Variants in MEF2C observed in about 807,000 individuals in gnomAD.
The protein encoded by MEF2C is myocyte enhancer factor 2C.
Under a neutral mutation model 50.5 loss-of-function variants are expected in MEF2C, and 6 were observed. The observed-to-expected ratio is 0.12, with a 90% CI of 0.07 to 0.23. The LOEUF (loss-of-function observed/expected upper bound fraction) is 0.23. Ranked by LOEUF, MEF2C falls within the 10% of genes least tolerant of loss-of-function variation. The pLI, the probability that MEF2C is intolerant of heterozygous loss-of-function variation, is 1.00. For missense variants in MEF2C, 276 were observed against 605.0 expected (o/e 0.46, Z 5.70); for synonymous variants, 183 against 228.0 (o/e 0.80, Z 1.78).
At chr5:88,858,516 G>A (rs920653173) in intron 1 of MEF2C, among the ~76,000 whole-genome samples, 5 of 152,232 alleles carry the variant, frequency 3.3e-5, no homozygotes, top group East Asian at 1.9e-4. Context: ...AGGCAGCCCA[G>A]TAAGAGTTAA....
At position 88,717,866 on chromosome 5, in the gene MEF2C, A is replaced by C. The variant is rs1348256332; in HGVS notation, c.*4738T>G. The C allele has an allele frequency of 1.3e-5, 2 of 152,236 alleles. No homozygotes were observed. Among genetic ancestry groups the C allele is most frequent in the African/African-American group, 4.8e-5 (2 of 41,470 alleles). The allele number at this position is 152,236 out of a possible 1,614,324, so 9.4% of individuals were successfully genotyped here. ...AGAAGAAAAAAGGAACTCTTTTGGA[A>C]ACACTTTCTACAGATTTTAGTTAAA... On this transcript the variant is annotated 3_prime_UTR_variant, in exon 11 of 11. Coordinates refer to ENST00000504921, the MANE Select transcript of MEF2C (RefSeq NM_002397.5).
chr5:88,769,347 G>T (rs1267630922), intron 3 of MEF2C, among the ~76,000 whole-genome samples: 2 of 152,126 alleles, frequency 1.3e-5, no homozygotes, highest in Admixed American at 1.3e-4. Flanking sequence ...TGGAAAATCA[G>T]GGTGATTCTG....
intron 1 of MEF2C, among the ~76,000 whole-genome samples, chr5:88,856,111 A>T (rs1242820610): frequency 6.6e-6 from 1 of 152,150 alleles, no homozygotes; most frequent in Non-Finnish European, 1.5e-5. Context: ...GAGATGAGAA[A>T]CTTGTTGGGA....
chr5:88,851,982 G>A (rs1821530481), intron 1 of MEF2C, among the ~76,000 whole-genome samples: 2 of 151,996 alleles, frequency 1.3e-5, no homozygotes, highest in South Asian at 4.1e-4. Flanking sequence ...CAAACTATTT[G>A]TATTTTTGTT....
intron 2 of MEF2C, among the ~76,000 whole-genome samples, chr5:88,821,515 A>G (rs1397084773): frequency 6.6e-6 from 1 of 151,846 alleles, no homozygotes; most frequent in African/African-American, 2.4e-5. Context: ...TCTGCATCTC[A>G]AAGTGTTGGG....
At chr5:88,743,625 T>C in intron 6 of MEF2C, 1 of 983,878 alleles carries the variant, frequency 1.0e-6, no homozygotes, top group Non-Finnish European at 1.2e-6. Context: ...CCAATCTGAG[T>C]AAGTACTAAG....
At chr5:88,878,176 T>C (rs1337369479) in intron 1 of MEF2C, among the ~76,000 whole-genome samples, 3 of 152,038 alleles carry the variant, frequency 2.0e-5, no homozygotes, top group Non-Finnish European at 4.4e-5. Context: ...ATGACACATA[T>C]ACAGAATGAA....
chr5:88,816,227 G>A (rs559374860), intron 2 of MEF2C, among the ~76,000 whole-genome samples: 139 of 152,154 alleles, frequency 9.1e-4, no homozygotes, highest in Non-Finnish European at 1.5e-3. Context: ...GAATGAGATT[G>A]ACGGGAGTTG....
intron 1 of MEF2C, chr5:88,843,596 A>G: frequency 3.1e-6 from 1 of 322,240 alleles, no homozygotes; most frequent in Non-Finnish European, 4.5e-6. Flanking sequence ...TTAACTATGT[A>G]ATATATATGT....
chr5:88,797,028 A>G (rs1283907094), intron 3 of MEF2C, among the ~76,000 whole-genome samples: 1 of 152,132 alleles, frequency 6.6e-6, no homozygotes, highest in Non-Finnish European at 1.5e-5. Flanking sequence ...TTTGCTGAAG[A>G]GTGTTTTACT....
intron 1 of MEF2C, among the ~76,000 whole-genome samples, chr5:88,862,573 T>C (rs575346286): frequency 6.6e-6 from 1 of 152,334 alleles, no homozygotes; most frequent in Admixed American, 6.5e-5. Flanking sequence ...GAAATAACCT[T>C]TAAAGTTTTT....
intron 6 of MEF2C, chr5:88,734,565 G>GGTT: frequency 3.7e-6 from 2 of 537,486 alleles, no homozygotes; most frequent in Non-Finnish European, 4.2e-6. Flanking sequence ...AGAAAAGTTT[G>GGTT]TTTTTTTTTT....
chr5:88,882,385 T>TC (rs1370789019), intron 1 of MEF2C, among the ~76,000 whole-genome samples: 1 of 152,190 alleles, frequency 6.6e-6, no homozygotes, highest in Non-Finnish European at 1.5e-5. Flanking sequence ...TCCACACCAA[T>TC]TAAGAAGCCC....
At chr5:88,736,587 C>T in intron 6 of MEF2C, 1 of 970,006 alleles carries the variant, frequency 1.0e-6, no homozygotes, top group South Asian at 4.8e-5. Context: ...CTTCACCAGG[C>T]CTTAAGAGGA....
rs929681041 is a variant in MEF2C at position 88,740,490 on chromosome 5, A to C, written c.637+8580T>G. The C allele has an allele frequency of 5.1e-6, 5 of 983,212 alleles. No individual in the cohort carries two copies. In the African/African-American group the frequency reaches 8.7e-5, roughly 17 times the overall value. The allele number at this position is 983,212 out of a possible 1,614,324, so 60.9% of individuals were successfully genotyped here. ...TCACCATCCCAGCTTTTGACAGATGAGGAAACTGAGGCTTAAGAAGCTTCC... is the reference window on the plus strand; with the variant it reads ...TCACCATCCCAGCTTTTGACAGATGCGGAAACTGAGGCTTAAGAAGCTTCC... On this transcript the variant is annotated intron_variant, in intron 6 of 10. Coordinates refer to ENST00000504921, the MANE Select transcript of MEF2C (RefSeq NM_002397.5).
chr5:88,762,615 G>A (rs1778363613), intron 3 of MEF2C, among the ~76,000 whole-genome samples: 1 of 151,708 alleles, frequency 6.6e-6, no homozygotes, highest in Non-Finnish European at 1.5e-5. Context: ...CAACTTAATT[G>A]TATACAATTC....
In MEF2C at chr5:88,751,915, C is replaced by T. The variant is rs371858773; in HGVS notation, c.531G>A (p.Leu177=). ...PNLLPLAHPS[L]QRNSMSPGVT... Reference sequence around the variant, plus strand: ...CACCAGGAGACATACTATTCCTCTGCAGAGAAGGGTGAGCCAGTGGCAATA... The same window carrying T: ...CACCAGGAGACATACTATTCCTCTGTAGAGAAGGGTGAGCCAGTGGCAATA... Residue 177 remains leucine (L), a synonymous_variant, in exon 5 of 11, where the codon CTG becomes CTA. Transcript: ENST00000504921. The T allele has an allele frequency of 4.3e-6, 7 of 1,613,812 alleles. No homozygotes were observed. Among genetic ancestry groups the T allele is most frequent in the Non-Finnish European group, 5.9e-6 (7 of 1,179,880 alleles).
chr5:88,739,333 T>C (rs554089359), intron 6 of MEF2C: 2 of 984,764 alleles, frequency 2.0e-6, no homozygotes, highest in African/African-American at 3.5e-5. Context: ...AATGTTTTAC[T>C]CACTTTAAAA....
At chr5:88,737,688 G>A in intron 6 of MEF2C, 1 of 985,362 alleles carries the variant, frequency 1.0e-6, no homozygotes, top group Non-Finnish European at 1.2e-6. Flanking sequence ...GAGAAGGAAT[G>A]CAGGACAGAG....
Sources: allele counts gnomAD v4.1 joint callset (sites outside exome capture counted in the v4.1 genomes callset), GRCh38; gene constraint gnomAD v4.1.1; transcripts MANE v1.5; gene names NCBI Gene and HGNC (gene_info 2026-07-23, HGNC 2026-07-21).